NRG4: variants seen among roughly 807,000 people sequenced by gnomAD.
The protein encoded by NRG4 is neuregulin 4, also known as pro-neuregulin-4, membrane-bound isoform.
In NRG4, 10 loss-of-function variants were observed where a neutral mutation model predicts 15.0. The observed-to-expected ratio is 0.67, with a 90% CI of 0.41 to 1.13. The LOEUF is 1.13. Among genes scored for constraint, NRG4 ranks in the 50% most tolerant of loss-of-function variants. The probability of loss-of-function intolerance (pLI) is 0.00; values close to 1 mark genes in which losing one functional copy is unlikely to be tolerated. For missense variants in NRG4, 139 were observed against 140.2 expected, an observed-to-expected ratio of 0.99 and a Z score of 0.04; for synonymous variants, 41 against 50.1, an observed-to-expected ratio of 0.82 and a Z score of 0.77.
chr15:75,967,613 C>T (rs1341304532), intron 3 of NRG4, among the ~76,000 whole-genome samples: 1 of 151,864 alleles, frequency 6.6e-6, no homozygotes, highest in African/African-American at 2.4e-5. Flanking sequence ...AGGTGTGCAC[C>T]ACCACACCCA....
rs536477608 is a variant in NRG4, at chr15:75,960,059, A to G, written c.251+1769T>C. ...ATAATCTTCTGTTTATTAAGCCACT[A>G]AAGTATTAGGGTTGGTAGTTACTGC... On this transcript the variant is annotated intron_variant, in intron 4 of 5. Coordinates refer to ENST00000394907, the MANE Select transcript of NRG4 (RefSeq NM_138573.4). Among the ~76,000 whole-genome samples the G allele has an allele frequency of 3.8e-3, 574 of 152,326 alleles. 2 individuals are homozygous for G. Among genetic ancestry groups the G allele is most frequent in the Non-Finnish European group, 6.4e-3 (434 of 68,028 alleles).
At chr15:76,040,101 C>G (rs921092347) in intron 4 of NRG4, among the ~76,000 whole-genome samples, 1 of 151,986 alleles carries the variant, frequency 6.6e-6, no homozygotes, top group African/African-American at 2.4e-5. Context: ...CCAAAGAAGA[C>G]TACCTCAAGG....
chr15:76,038,910 C>T (rs748311025), intron 4 of NRG4, among the ~76,000 whole-genome samples: 9 of 152,188 alleles, frequency 5.9e-5, no homozygotes, highest in Non-Finnish European at 1.0e-4. Flanking sequence ...TGGCTCAGCA[C>T]AGAGAAACTC....
chr15:75,938,846 A>C (rs1020128626), downstream of NRG4: 1 of 152,190 alleles, frequency 6.6e-6, no homozygotes, highest in Non-Finnish European at 1.5e-5. Context: ...GAAAATTCAC[A>C]AACTTGTGGA....
At chr15:76,008,577 C>A (rs2034692409) in intron 3 of NRG4, among the ~76,000 whole-genome samples, 1 of 152,066 alleles carries the variant, frequency 6.6e-6, no homozygotes, top group Admixed American at 6.6e-5. Context: ...ACATTTAAAT[C>A]CTATTCAACC....
chr15:76,009,323 A>C, intron 2 of NRG4, 30 bp from the exon 3 acceptor site: 1 of 1,042,814 alleles, frequency 9.6e-7, no homozygotes, highest in South Asian at 1.7e-5. Context: ...AAAATAGAGA[A>C]AAGCAAATTA....
chr15:75,990,062 C>T (rs968322548), intron 3 of NRG4, among the ~76,000 whole-genome samples: 3 of 152,192 alleles, frequency 2.0e-5, no homozygotes, highest in Non-Finnish European at 2.9e-5. Context: ...GGACACTTCA[C>T]TCTAGCTAGT....
chr15:76,044,634 G>A (rs1205949141), intron 4 of NRG4, among the ~76,000 whole-genome samples: 1 of 149,228 alleles, frequency 6.7e-6, no homozygotes, highest in Non-Finnish European at 1.5e-5. Context: ...AGGAGATCAA[G>A]ACCATCCTGG....
chr15:76,031,440 C>T (rs1210682185), intron 5 of NRG4, among the ~76,000 whole-genome samples: 1 of 152,160 alleles, frequency 6.6e-6, no homozygotes, highest in African/African-American at 2.4e-5. Context: ...ATAATCCCAG[C>T]AGTTTGGGAG....
chr15:75,996,929 T>C (rs536245854), intron 3 of NRG4, among the ~76,000 whole-genome samples: 1 of 152,268 alleles, frequency 6.6e-6, no homozygotes, highest in East Asian at 1.9e-4. Context: ...TAACACATAT[T>C]GGTTGAGAAA....
At chr15:76,034,121 G>C (rs1432282937) in intron 5 of NRG4, among the ~76,000 whole-genome samples, 2 of 152,120 alleles carry the variant, frequency 1.3e-5, no homozygotes, top group African/African-American at 4.8e-5. Context: ...GAATCCCTGG[G>C]TGATTTTCTA....
At chr15:75,981,557 A>G (rs1226244781) in intron 3 of NRG4, among the ~76,000 whole-genome samples, 1 of 152,116 alleles carries the variant, frequency 6.6e-6, no homozygotes, top group Non-Finnish European at 1.5e-5. Flanking sequence ...CAGTAGGTGG[A>G]GGCCTAAGGG....
rs1482177902 is a variant in NRG4, at chr15:75,945,837, A to G, written c.332-2183T>C. ...CATGGGGGATACATTCCAAGACCCC[A>G]GTGGATGCCTGAAATCACAGACAGC... On this transcript the variant is annotated intron_variant, in intron 5 of 5. Coordinates refer to ENST00000394907, the MANE Select transcript of NRG4 (RefSeq NM_138573.4). The G allele has an allele frequency of 4.6e-5, 7 of 152,304 alleles. No homozygotes were observed. In the East Asian group the frequency reaches 1.4e-3, roughly 29 times the overall value. The allele number at this position is 152,304 out of a possible 1,614,324, so 9.4% of individuals were successfully genotyped here. A position where few individuals can be genotyped will look rare whatever the true frequency, so the allele number is the denominator to read the frequency against.
chr15:76,059,679 T>G (rs1400311430), exon 1 of NRG4: 1 of 151,686 alleles, frequency 6.6e-6, no homozygotes, highest in African/African-American at 2.4e-5. Flanking sequence ...CCGCTCTGCG[T>G]GGCAGCCCCG....
At chr15:75,976,532 C>G (rs1045064023) in intron 3 of NRG4, among the ~76,000 whole-genome samples, 2 of 152,008 alleles carry the variant, frequency 1.3e-5, no homozygotes, top group African/African-American at 2.4e-5. Context: ...TTGTGGACAC[C>G]CTTTTTGTTG....
At chr15:76,004,582 A>G (rs1347550599) in intron 3 of NRG4, among the ~76,000 whole-genome samples, 3 of 150,680 alleles carry the variant, frequency 2.0e-5, no homozygotes, top group African/African-American at 7.3e-5. Flanking sequence ...CTGGGCAACA[A>G]GAGCGAAACT....
intron 3 of NRG4, among the ~76,000 whole-genome samples, chr15:75,983,842 C>T (rs1169618859): frequency 6.6e-6 from 1 of 151,976 alleles, no homozygotes. Flanking sequence ...ATAGATTCAA[C>T]TTTATAAACA....
chr15:76,042,241 A>C, intron 4 of NRG4, among the ~76,000 whole-genome samples: 1 of 152,170 alleles, frequency 6.6e-6, no homozygotes, highest in East Asian at 1.9e-4. Flanking sequence ...GAAAACATCA[A>C]ATAAACAACC....
At chr15:75,949,392 C>CA (rs59154521) in intron 5 of NRG4, among the ~76,000 whole-genome samples, 5 of 144,346 alleles carry the variant, frequency 3.5e-5, no homozygotes, top group African/African-American at 1.3e-4. Context: ...GCCTGGGTGA[C>CA]AAAAAAAAAA....
Sources: gnomAD v4.1 joint callset for allele counts (sites outside exome capture counted in the v4.1 genomes callset) on GRCh38, gnomAD v4.1.1 for gene constraint, MANE v1.5 for transcripts, NCBI Gene and HGNC (gene_info 2026-07-23, HGNC 2026-07-21) for gene names.